Variants in SPTLC1 observed in about 807,000 individuals in gnomAD.
SPTLC1 encodes the protein serine palmitoyltransferase 1.
Under a neutral mutation model 68.9 loss-of-function variants are expected in SPTLC1, and 55 were observed. The observed-to-expected ratio is 0.80, with a 90% CI of 0.64 to 1.00. The LOEUF is 1.00. Among genes scored for constraint, SPTLC1 ranks in the 50% least tolerant of loss-of-function variants. SPTLC1 has a pLI of 0.00. For synonymous variants in SPTLC1, 197 were observed against 201.6 expected, an observed-to-expected ratio of 0.98 and a Z score of 0.19; for missense variants, 449 against 573.1, an observed-to-expected ratio of 0.78 and a Z score of 2.21.
At chr9:92,098,897 A>C (rs1038751882) in intron 3 of SPTLC1, among the ~76,000 whole-genome samples, 1 of 152,196 alleles carries the variant, frequency 6.6e-6, no homozygotes, top group Non-Finnish European at 1.5e-5. Context: ...AGAAAGAACA[A>C]AGAAAGTGAA....
chr9:92,040,461 A>G (rs1268700223), intron 12 of SPTLC1, among the ~76,000 whole-genome samples: 1 of 151,990 alleles, frequency 6.6e-6, no homozygotes, highest in African/African-American at 2.4e-5. Context: ...AAATGGCCTC[A>G]ATTTTCCTCA....
intron 2 of SPTLC1, chr9:92,110,886 A>G (rs1376067512): frequency 2.6e-5 from 4 of 152,216 alleles, no homozygotes. Flanking sequence ...TATTATTCCA[A>G]CAATTATACT....
intron 5 of SPTLC1, chr9:92,079,324 C>T: frequency 1.6e-6 from 2 of 1,238,872 alleles, no homozygotes; most frequent in South Asian, 1.7e-5. Context: ...GATCTGCCTG[C>T]CTCAGCCTTT....
intron 1 of SPTLC1, chr9:92,114,977 C>G: frequency 4.7e-6 from 2 of 425,802 alleles, no homozygotes; most frequent in South Asian, 2.4e-5. Flanking sequence ...GTGTTCCACT[C>G]ATTTTCACCA....
chr9:92,063,119 T>C (rs1164332273), intron 6 of SPTLC1, among the ~76,000 whole-genome samples: 1 of 152,050 alleles, frequency 6.6e-6, no homozygotes, highest in Non-Finnish European at 1.5e-5. Context: ...TTGACAGACC[T>C]CTAACAAGAC....
intron 13 of SPTLC1, among the ~76,000 whole-genome samples, chr9:92,035,549 G>C (rs1833113428): frequency 6.6e-6 from 1 of 152,190 alleles, no homozygotes; most frequent in Non-Finnish European, 1.5e-5. Context: ...TCTTTCTGGA[G>C]TGATGAAAAA....
chr9:92,074,146 A>G (rs1294954759), intron 5 of SPTLC1, among the ~76,000 whole-genome samples: 2 of 152,120 alleles, frequency 1.3e-5, no homozygotes, highest in African/African-American at 4.8e-5. Flanking sequence ...AGCTTCGGGT[A>G]ACTCTTACAG....
At chr9:92,054,849 T>A (rs115264513) in intron 8 of SPTLC1, among the ~76,000 whole-genome samples, 7,671 of 151,782 alleles carry the variant, frequency 0.051, 514 homozygotes, top group East Asian at 0.27. Flanking sequence ...GGGGAGGAGG[T>A]TGCAGTGAGC....
intron 5 of SPTLC1, among the ~76,000 whole-genome samples, chr9:92,071,811 A>G (rs1834502444): frequency 6.6e-6 from 1 of 152,250 alleles, no homozygotes; most frequent in African/African-American, 2.4e-5. Context: ...TACCTGTCTT[A>G]GCTGATTAGC....
In SPTLC1 at chr9:92,104,516, G is replaced by A. The variant is rs912559423; in HGVS notation, c.260+4224C>T. On this transcript the variant is annotated intron_variant, in intron 3 of 14. Transcript: ENST00000262554. Reference sequence around the variant, plus strand: ...AGCCCCCCCCTCAAGGAAGAAACCCGTGCTGTCTGCTCGCAACTCCAGGAT... The same window carrying A: ...AGCCCCCCCCTCAAGGAAGAAACCCATGCTGTCTGCTCGCAACTCCAGGAT... 3.0e-5 allele frequency: 43 copies of A among 1,415,570 alleles called. No individual in the cohort carries two copies. In the Middle Eastern group the frequency reaches 7.0e-4, roughly 23 times the overall value. 87.7% of individuals were successfully genotyped at this position (1,415,570 alleles called of 1,614,324 possible).
chr9:92,114,750 A>AAAAAT, intron 1 of SPTLC1, among the ~76,000 whole-genome samples: 1 of 151,554 alleles, frequency 6.6e-6, no homozygotes, highest in African/African-American at 2.4e-5. Flanking sequence ...AAAAAAAACA[A>AAAAAT]AAATAAATAA....
At chr9:92,032,744 C>T (rs1342304970) in intron 14 of SPTLC1, among the ~76,000 whole-genome samples, 186 bp from the exon 15 acceptor site, 6 of 151,824 alleles carry the variant, frequency 4.0e-5, no homozygotes, top group African/African-American at 1.2e-4. Context: ...AGTGTGGTGG[C>T]GGGTGCCTGT....
chr9:92,099,192 C>T (rs1184204305), intron 3 of SPTLC1, among the ~76,000 whole-genome samples: 1 of 152,210 alleles, frequency 6.6e-6, no homozygotes, highest in Non-Finnish European at 1.5e-5. Context: ...GCTGCATGAG[C>T]TGGGGTCCTG....
At chr9:92,090,245 AGTGGGGAT>A (rs1835307148) in intron 3 of SPTLC1, among the ~76,000 whole-genome samples, 1 of 152,114 alleles carries the variant, frequency 6.6e-6, no homozygotes, top group African/African-American at 2.4e-5. Context: ...AGAAAGGGGG[AGTGGGGAT>A]GGGGAACAAC....
chr9:92,051,494 T>A (rs1178121330), intron 8 of SPTLC1, among the ~76,000 whole-genome samples: 1 of 152,190 alleles, frequency 6.6e-6, no homozygotes, highest in East Asian at 1.9e-4. Flanking sequence ...AAGGTTATTA[T>A]AAAAAACTCA....
At chr9:92,082,056 T>C (rs73512368) in intron 3 of SPTLC1, among the ~76,000 whole-genome samples, 79 of 152,272 alleles carry the variant, frequency 5.2e-4, no homozygotes, top group African/African-American at 1.3e-3. Context: ...ATTATGGCTA[T>C]TGACGATTCA....
chr9:92,062,347 A>G (rs572284821), intron 6 of SPTLC1, among the ~76,000 whole-genome samples: 1 of 152,318 alleles, frequency 6.6e-6, no homozygotes, highest in East Asian at 1.9e-4. Flanking sequence ...TAAACAAAAA[A>G]GCTAAATTTG....
In SPTLC1 at chr9:92,093,176, A is replaced by G. The variant is rs1377014286; in HGVS notation, c.261-12213T>C. On this transcript the variant is annotated intron_variant, in intron 3 of 14. Coordinates refer to ENST00000262554, the MANE Select transcript of SPTLC1 (RefSeq NM_006415.4). Reference sequence around the variant, plus strand: ...GTTAAATAAGAAGTAAAAATTTCAGAAAATACAACATAATAAAGAAAAGTC... The same window carrying G: ...GTTAAATAAGAAGTAAAAATTTCAGGAAATACAACATAATAAAGAAAAGTC... 2.0e-5 allele frequency among the ~76,000 whole-genome samples: 3 copies of G among 152,222 alleles called. No homozygotes were observed. The East Asian group carries it at 5.8e-4, about 29-fold the overall frequency.
intron 3 of SPTLC1, among the ~76,000 whole-genome samples, chr9:92,103,972 C>G (rs1835858844): frequency 6.6e-6 from 1 of 152,186 alleles, no homozygotes; most frequent in Admixed American, 6.5e-5. Context: ...AGGCTAGAGT[C>G]CAGGGGGACT....
Sources: allele counts gnomAD v4.1 joint callset (sites outside exome capture counted in the v4.1 genomes callset), GRCh38; gene constraint gnomAD v4.1.1; transcripts MANE v1.5; gene names NCBI Gene and HGNC (gene_info 2026-07-23, HGNC 2026-07-21).